FSD1L: variants seen among roughly 807,000 people sequenced by gnomAD.
The protein encoded by FSD1L is fibronectin type III and SPRY domain containing 1 like.
FSD1L carries 45 observed loss-of-function variants against 71.6 expected under a neutral mutation model. The ratio of observed to expected loss-of-function variants is 0.63; its 90% CI spans 0.49 to 0.81. The LOEUF is 0.81. Ranked by LOEUF, FSD1L falls within the 30% of genes least tolerant of loss-of-function variation. The pLI, the probability that FSD1L is intolerant of heterozygous loss-of-function variation, is 0.00. For synonymous variants in FSD1L, 197 were observed against 207.2 expected, an observed-to-expected ratio of 0.95 and a Z score of 0.42; for missense variants, 561 against 618.1, an observed-to-expected ratio of 0.91 and a Z score of 0.98.
intron 7 of FSD1L, among the ~76,000 whole-genome samples, chr9:105,492,758 C>A (rs1589004172): frequency 2.0e-5 from 3 of 152,090 alleles, no homozygotes; most frequent in Admixed American, 2.0e-4. Context: ...TTGTTATGTA[C>A]CCAGTAGTCA....
intron 8 of FSD1L, among the ~76,000 whole-genome samples, chr9:105,508,198 G>A (rs1306335114): frequency 9.3e-6 from 1 of 107,560 alleles, no homozygotes; most frequent in Non-Finnish European, 1.8e-5. Flanking sequence ...TTTTTTTTGA[G>A]ACAGAGTCCT....
intron 1 of FSD1L, among the ~76,000 whole-genome samples, chr9:105,451,089 A>G (rs1829967336): frequency 6.6e-6 from 1 of 152,092 alleles, no homozygotes; most frequent in South Asian, 2.1e-4. Context: ...CCTCCCGAGT[A>G]GCTGGGACTA....
intron 10 of FSD1L, chr9:105,522,526 A>T: frequency 6.2e-7 from 1 of 1,613,742 alleles, no homozygotes; most frequent in South Asian, 1.1e-5. Flanking sequence ...GTCGATATTG[A>T]TGATGCTCAA....
At chr9:105,541,328 A>G (rs1416933099) in intron 13 of FSD1L, among the ~76,000 whole-genome samples, 1 of 141,468 alleles carries the variant, frequency 7.1e-6, no homozygotes, top group Non-Finnish European at 1.5e-5. Flanking sequence ...CCTCTGCCAT[A>G]TTACGCATTT....
At chr9:105,451,462 C>T (rs1830000806) in intron 1 of FSD1L, among the ~76,000 whole-genome samples, 1 of 152,152 alleles carries the variant, frequency 6.6e-6, no homozygotes, top group South Asian at 2.1e-4. Flanking sequence ...ATTAGCTTGA[C>T]CAGCTGCTTT....
chr9:105,538,473 T>C (rs916456204), intron 12 of FSD1L, among the ~76,000 whole-genome samples: 1 of 152,176 alleles, frequency 6.6e-6, no homozygotes. Context: ...GATGGTGAAG[T>C]TATCCCCAGG....
At chr9:105,486,907 T>G (rs1044803604) in intron 7 of FSD1L, among the ~76,000 whole-genome samples, 6 of 152,148 alleles carry the variant, frequency 3.9e-5, no homozygotes, top group Non-Finnish European at 7.4e-5. Context: ...GTGCTTATCT[T>G]TCTAGAAACA....
chr9:105,493,069 C>G (rs1589005123), intron 7 of FSD1L, among the ~76,000 whole-genome samples: 8 of 152,232 alleles, frequency 5.3e-5, no homozygotes, highest in African/African-American at 1.9e-4. Flanking sequence ...AACTTTCTGT[C>G]TCGTTGATCT....
At chr9:105,474,885 A>G (rs1211102051) in intron 5 of FSD1L, among the ~76,000 whole-genome samples, 1 of 152,260 alleles carries the variant, frequency 6.6e-6, no homozygotes, top group African/African-American at 2.4e-5. Flanking sequence ...AAAGTAAACA[A>G]ATACAAATAG....
intron 10 of FSD1L, among the ~76,000 whole-genome samples, chr9:105,517,386 G>C (rs1175699994): frequency 6.6e-6 from 1 of 151,568 alleles, no homozygotes; most frequent in African/African-American, 2.4e-5. Flanking sequence ...GATCCACCTA[G>C]GTTGAAATGA....
At chr9:105,545,858 C>A (rs1836965024) in intron 13 of FSD1L, among the ~76,000 whole-genome samples, 1 of 151,926 alleles carries the variant, frequency 6.6e-6, no homozygotes, top group Non-Finnish European at 1.5e-5. Flanking sequence ...TGTCAGGAGT[C>A]CTTCTTAAAT....
intron 13 of FSD1L, among the ~76,000 whole-genome samples, chr9:105,542,928 A>T (rs1236674841): frequency 6.6e-6 from 1 of 152,120 alleles, no homozygotes; most frequent in African/African-American, 2.4e-5. Flanking sequence ...TATTATGGGT[A>T]ATGCTTTGCT....
chr9:105,527,880 G>A (rs1349461657), intron 10 of FSD1L, among the ~76,000 whole-genome samples: 1 of 152,086 alleles, frequency 6.6e-6, no homozygotes. Context: ...TGACATGATT[G>A]TATATTTAGA....
At chr9:105,466,453 G>A (rs865866494) in intron 3 of FSD1L, among the ~76,000 whole-genome samples, 3 of 152,112 alleles carry the variant, frequency 2.0e-5, no homozygotes, top group African/African-American at 7.2e-5. Context: ...ACATTCATGG[G>A]AGGCCGAGTC....
intron 1 of FSD1L, among the ~76,000 whole-genome samples, chr9:105,458,784 T>A (rs1189566221): frequency 6.6e-6 from 1 of 152,228 alleles, no homozygotes; most frequent in Non-Finnish European, 1.5e-5. Context: ...CACCCCTATC[T>A]GCCTAGGACT....
chr9:105,442,604 C>A, the FSD1L span, among the ~76,000 whole-genome samples: 1 of 151,856 alleles, frequency 6.6e-6, no homozygotes, highest in Non-Finnish European at 1.5e-5. Flanking sequence ...GCGAGGATGG[C>A]TTGAGCCTGG....
intron 9 of FSD1L, among the ~76,000 whole-genome samples, chr9:105,510,766 A>T (rs1834344781): frequency 5.3e-5 from 8 of 152,190 alleles, no homozygotes. Context: ...ATGATATTAA[A>T]TTACTAAATC....
chr9:105,467,849 G>C (rs1831179128), intron 3 of FSD1L, among the ~76,000 whole-genome samples: 1 of 152,170 alleles, frequency 6.6e-6, no homozygotes, highest in South Asian at 2.1e-4. Flanking sequence ...AGAACCACTG[G>C]CTTAGAGTCT....
chr9:105,511,291 A>T (rs910488108), intron 9 of FSD1L, among the ~76,000 whole-genome samples: 2 of 151,536 alleles, frequency 1.3e-5, no homozygotes, highest in African/African-American at 4.9e-5. Flanking sequence ...TTCCTTTTTT[A>T]AAAAAACAGC....
Sources: allele counts gnomAD v4.1 joint callset (sites outside exome capture counted in the v4.1 genomes callset), GRCh38; gene constraint gnomAD v4.1.1; transcripts MANE v1.5; gene names NCBI Gene and HGNC (gene_info 2026-07-23, HGNC 2026-07-21).